Variants in MTMR14 observed in about 807,000 individuals in gnomAD.
MTMR14 encodes phosphatidylinositol-3,5-bisphosphate 3-phosphatase MTMR14.
MTMR14 carries 48 observed loss-of-function variants against 86.3 expected under a neutral mutation model. That is an observed-to-expected ratio of 0.56 (90% CI 0.44 to 0.71). MTMR14 has a LOEUF of 0.71. Among genes scored for constraint, MTMR14 ranks in the 30% least tolerant of loss-of-function variants. MTMR14 has a pLI of 0.00. For missense variants in MTMR14, 780 were observed against 834.6 expected (o/e 0.93, Z 0.81); for synonymous variants, 366 against 326.1 (o/e 1.12, Z -1.32).
At chr3:9,698,917 C>T (rs543040838) in intron 18 of MTMR14, among the ~76,000 whole-genome samples, 3 of 152,158 alleles carry the variant, frequency 2.0e-5, no homozygotes, top group African/African-American at 7.2e-5. Context: ...GCCTGTAGTC[C>T]CAGCACTTAG....
At chr3:9,659,219 G>T (rs879721430) in intron 2 of MTMR14, among the ~76,000 whole-genome samples, 5 of 152,118 alleles carry the variant, frequency 3.3e-5, no homozygotes, top group African/African-American at 4.8e-5. Context: ...AACAGAGGAA[G>T]ACCTTGTTGG....
At chr3:9,685,041 C>T in intron 12 of MTMR14, 77 bp downstream of exon 12, 1 of 1,525,648 alleles carries the variant, frequency 6.6e-7, no homozygotes. Context: ...GCTCCCTTGA[C>T]AGGGGCTGGA....
intron 5 of MTMR14, 120 bp downstream of exon 5, chr3:9,669,612 C>T (rs375570237): frequency 7.8e-6 from 8 of 1,029,012 alleles, no homozygotes; most frequent in South Asian, 5.2e-5. Flanking sequence ...GGATTGGCTT[C>T]TTCCTCTTCT....
intron 13 of MTMR14, among the ~76,000 whole-genome samples, chr3:9,685,616 C>G (rs1223153689): frequency 1.3e-5 from 2 of 152,154 alleles, no homozygotes; most frequent in Admixed American, 1.3e-4. Context: ...AATGCAGCAG[C>G]ACTTCTCTTC....
chr3:9,693,548 A>T (rs1435992848), intron 17 of MTMR14, among the ~76,000 whole-genome samples: 1 of 152,264 alleles, frequency 6.6e-6, no homozygotes, highest in Non-Finnish European at 1.5e-5. Flanking sequence ...AAGCTAGAGA[A>T]AAATAAAATG....
intron 2 of MTMR14, among the ~76,000 whole-genome samples, chr3:9,655,794 C>T (rs1019797824): frequency 2.6e-5 from 4 of 151,554 alleles, no homozygotes; most frequent in Non-Finnish European, 4.4e-5. Flanking sequence ...AGCTTGAGAA[C>T]CGCTGCTGCA....
At chr3:9,688,579 G>A (rs1292477577) in intron 14 of MTMR14, 117 bp from the exon 15 acceptor site, 30 of 1,172,312 alleles carry the variant, frequency 2.6e-5, no homozygotes, top group Middle Eastern at 2.4e-4. Context: ...GCTAGGACCC[G>A]TCTCCACAAG....
chr3:9,691,884 G>A (rs2125340594), intron 17 of MTMR14, among the ~76,000 whole-genome samples: 1 of 152,272 alleles, frequency 6.6e-6, no homozygotes, highest in South Asian at 2.1e-4. Context: ...GAAAGGTGTG[G>A]GGTGGGCAGC....
At chr3:9,653,886 AT>A in intron 2 of MTMR14, 117 bp downstream of exon 2, 1 of 1,396,688 alleles carries the variant, frequency 7.2e-7, no homozygotes, top group South Asian at 1.2e-5. Flanking sequence ...GTTAATCCTT[AT>A]TGGCATTTTT....
chr3:9,688,288 GC>G (rs559905488), intron 14 of MTMR14, among the ~76,000 whole-genome samples: 45 of 152,328 alleles, frequency 3.0e-4, no homozygotes, highest in African/African-American at 1.1e-3. Context: ...GAACACTGCA[GC>G]CCCCTACAAA....
At chr3:9,670,669 G>A (rs548165773) in intron 5 of MTMR14, among the ~76,000 whole-genome samples, 1 of 152,228 alleles carries the variant, frequency 6.6e-6, no homozygotes, top group South Asian at 2.1e-4. Context: ...TGGGGGAAAA[G>A]GAGGGGGTGG....
chr3:9,672,398 C>A (rs1411354334), intron 6 of MTMR14, among the ~76,000 whole-genome samples: 1 of 152,104 alleles, frequency 6.6e-6, no homozygotes, highest in Non-Finnish European at 1.5e-5. Context: ...CGCTGCCACA[C>A]CCCACTAGTT....
intron 18 of MTMR14, 110 bp downstream of exon 18, chr3:9,697,976 C>T: frequency 7.0e-7 from 1 of 1,436,712 alleles, no homozygotes; most frequent in Non-Finnish European, 9.7e-7. Flanking sequence ...GCTGGCCTGG[C>T]CTCCTGCCCT....
At chr3:9,670,541 G>A (rs756530701) in intron 5 of MTMR14, among the ~76,000 whole-genome samples, 1 of 152,184 alleles carries the variant, frequency 6.6e-6, no homozygotes, top group African/African-American at 2.4e-5. Flanking sequence ...TAGGTAGAGG[G>A]AATTTACTTG....
chr3:9,654,881 TG>T (rs1337106119), intron 2 of MTMR14, among the ~76,000 whole-genome samples: 1 of 152,200 alleles, frequency 6.6e-6, no homozygotes, highest in Non-Finnish European at 1.5e-5. Flanking sequence ...GTAGGCCAAC[TG>T]GGGAAATGGT....
intron 7 of MTMR14, among the ~76,000 whole-genome samples, chr3:9,674,845 C>G (rs1030346173): frequency 3.3e-5 from 5 of 152,216 alleles, no homozygotes; most frequent in African/African-American, 9.6e-5. Flanking sequence ...AGTGCAGTGG[C>G]TCACGCATAT....
chr3:9,680,819 A>G (rs1362845337), intron 9 of MTMR14, among the ~76,000 whole-genome samples: 2 of 152,154 alleles, frequency 1.3e-5, no homozygotes, highest in Non-Finnish European at 2.9e-5. Flanking sequence ...CCTGGGCGAC[A>G]GAGCGAGACT....
At position 9,692,565 on chromosome 3, in the gene MTMR14, G is replaced by A. The variant is rs140640811; in HGVS notation, c.1613+2422G>A. 3.1e-3 allele frequency among the ~76,000 whole-genome samples: 469 copies of A among 152,346 alleles called. 10 individuals are homozygous for A. The highest frequency in any genetic ancestry group is 6.2e-4 in the Non-Finnish European group (42 of 68,036). The stretch of plus-strand genomic sequence containing the variant: ...CTCCCCCAGCTCTGGTTAGCAGGTC[G>A]CTCCACCTTGCATGGCCTCGGCCTC... On this transcript the variant is annotated intron_variant, in intron 17 of 18. Transcript: ENST00000296003.
At chr3:9,653,535 A>G (rs1234687704) in intron 1 of MTMR14, 86 bp from the exon 2 acceptor site, 19 of 1,554,582 alleles carry the variant, frequency 1.2e-5, no homozygotes, top group Non-Finnish European at 1.6e-5. Flanking sequence ...TGTCTTTCCC[A>G]GTGACCTCTT....
Sources: allele counts gnomAD v4.1 joint callset (sites outside exome capture counted in the v4.1 genomes callset), GRCh38; gene constraint gnomAD v4.1.1; transcripts MANE v1.5; gene names NCBI Gene and HGNC (gene_info 2026-07-23, HGNC 2026-07-21).